Variants in CTNNA3 observed in about 807,000 individuals in gnomAD.
CTNNA3 encodes the protein catenin alpha-3.
CTNNA3 carries 76 observed loss-of-function variants against 95.7 expected under a neutral mutation model. The ratio of observed to expected loss-of-function variants is 0.79; its 90% CI spans 0.66 to 0.96. The LOEUF is 0.96. Ranked by LOEUF, CTNNA3 falls within the 40% of genes least tolerant of loss-of-function variation. The pLI is 0.00. For synonymous variants in CTNNA3, 431 were observed against 374.4 expected, an observed-to-expected ratio of 1.15 and a Z score of -1.74; for missense variants, 1,191 against 1,089.8, an observed-to-expected ratio of 1.09 and a Z score of -1.31.
At chr10:67,693,472 C>T (rs879476774) in intron 1 of CTNNA3, among the ~76,000 whole-genome samples, 3 of 152,094 alleles carry the variant, frequency 2.0e-5, no homozygotes, top group East Asian at 1.9e-4. Flanking sequence ...TTTGGGTTGC[C>T]AACTTCTCTT....
At chr10:67,073,739 T>C (rs989366609) in intron 7 of CTNNA3, among the ~76,000 whole-genome samples, 1 of 151,716 alleles carries the variant, frequency 6.6e-6, no homozygotes, top group Non-Finnish European at 1.5e-5. Context: ...ATAAACAAAA[T>C]AGAGATCAAA....
At chr10:66,182,342 G>A (rs186156020) in intron 13 of CTNNA3, among the ~76,000 whole-genome samples, 7,247 of 149,566 alleles carry the variant, frequency 0.048, 555 homozygotes, top group African/African-American at 0.17. Flanking sequence ...TGCGAGCTCC[G>A]CCTCCCGGGT....
chr10:67,180,541 TA>T, intron 6 of CTNNA3, 21 bp from the exon 7 acceptor site: 1 of 1,577,572 alleles, frequency 6.3e-7, no homozygotes, highest in Non-Finnish European at 8.7e-7. Flanking sequence ...AACACATTTG[TA>T]TGGTTAGAGC....
intron 7 of CTNNA3, among the ~76,000 whole-genome samples, chr10:66,958,708 T>A (rs1342232414): frequency 6.6e-6 from 1 of 152,098 alleles, no homozygotes; most frequent in African/African-American, 2.4e-5. Flanking sequence ...GAGCCAAATT[T>A]GACAAAGGAA....
intron 9 of CTNNA3, among the ~76,000 whole-genome samples, chr10:66,624,427 A>G: frequency 6.6e-6 from 1 of 152,068 alleles, no homozygotes; most frequent in East Asian, 1.9e-4. Flanking sequence ...GAAATTTCAT[A>G]CTCTCAGAGG....
intron 17 of CTNNA3, among the ~76,000 whole-genome samples, chr10:65,961,722 A>T (rs1786912): frequency 0.14 from 21,620 of 151,888 alleles, 1,782 homozygotes; most frequent in South Asian, 0.26. Flanking sequence ...TTGCAGTGAA[A>T]TATAACAGTA....
chr10:66,533,792 C>T (rs1841551950), intron 10 of CTNNA3, among the ~76,000 whole-genome samples: 1 of 152,038 alleles, frequency 6.6e-6, no homozygotes, highest in Admixed American at 6.6e-5. Flanking sequence ...TCTATATGGT[C>T]AGGTATGGAG....
intron 11 of CTNNA3, among the ~76,000 whole-genome samples, chr10:66,382,788 C>A (rs2092852604): frequency 6.6e-6 from 1 of 152,074 alleles, no homozygotes; most frequent in Admixed American, 6.6e-5. Context: ...CTGGTGATAC[C>A]CAGGCAAACA....
chr10:66,233,345 T>C (rs568173149), intron 13 of CTNNA3, among the ~76,000 whole-genome samples: 35 of 152,006 alleles, frequency 2.3e-4, no homozygotes, highest in Non-Finnish European at 2.5e-4. Context: ...CTAGTTTTAT[T>C]AAAATAAAAA....
At chr10:66,693,516 A>T (rs1299762103) in intron 9 of CTNNA3, among the ~76,000 whole-genome samples, 1 of 151,584 alleles carries the variant, frequency 6.6e-6, no homozygotes, top group Admixed American at 6.6e-5. Flanking sequence ...ATAATGAGAG[A>T]CTTTAACACC....
chr10:67,741,911 G>T (rs374051716), intron 1 of CTNNA3, among the ~76,000 whole-genome samples: 2 of 151,220 alleles, frequency 1.3e-5, no homozygotes, highest in Admixed American at 6.6e-5. Flanking sequence ...GACAAAGAAG[G>T]CCATTACATA....
intron 13 of CTNNA3, among the ~76,000 whole-genome samples, chr10:66,278,378 A>G (rs944085097): frequency 5.9e-5 from 9 of 151,788 alleles, no homozygotes; most frequent in African/African-American, 2.2e-4. Flanking sequence ...AGTTTGTTGA[A>G]AATTAAATAA....
chr10:66,350,314 T>A (rs980786813), intron 12 of CTNNA3, among the ~76,000 whole-genome samples: 1 of 152,130 alleles, frequency 6.6e-6, no homozygotes, highest in South Asian at 2.1e-4. Flanking sequence ...AGCTTGCTTT[T>A]TGCTGTCACT....
intron 7 of CTNNA3, among the ~76,000 whole-genome samples, chr10:67,082,415 A>G (rs1276711593): frequency 6.6e-6 from 1 of 152,186 alleles, no homozygotes; most frequent in Non-Finnish European, 1.5e-5. Context: ...AAGGCAGAAA[A>G]TGCCTAATCA....
At chr10:66,921,904 T>C (rs1846808839) in intron 7 of CTNNA3, among the ~76,000 whole-genome samples, 1 of 152,240 alleles carries the variant, frequency 6.6e-6, no homozygotes. Flanking sequence ...ACAATGGTTA[T>C]TCAAATTAAA....
chr10:66,265,054 TC>T (rs1422849617), intron 13 of CTNNA3, among the ~76,000 whole-genome samples: 2 of 152,014 alleles, frequency 1.3e-5, no homozygotes, highest in Non-Finnish European at 2.9e-5. Context: ...TGTCCACTCA[TC>T]CAAATCTACT....
intron 7 of CTNNA3, among the ~76,000 whole-genome samples, chr10:66,932,052 C>G (rs1847431131): frequency 6.6e-6 from 1 of 152,172 alleles, no homozygotes; most frequent in Non-Finnish European, 1.5e-5. Context: ...GGCTTTAGAA[C>G]TCTCCAGTTT....
chr10:67,070,439 G>A (rs1374362543), intron 7 of CTNNA3, among the ~76,000 whole-genome samples: 4 of 151,940 alleles, frequency 2.6e-5, no homozygotes, highest in African/African-American at 9.7e-5. Context: ...TATTTTTTAT[G>A]TTTGTGTCCC....
chr10:66,021,752 T>G (rs2133426632), intron 15 of CTNNA3, among the ~76,000 whole-genome samples: 1 of 151,328 alleles, frequency 6.6e-6, no homozygotes, highest in African/African-American at 2.4e-5. Context: ...AACAAAACAA[T>G]ACTAAACTTA....
Sources: allele counts gnomAD v4.1 joint callset (sites outside exome capture counted in the v4.1 genomes callset), GRCh38; gene constraint gnomAD v4.1.1; transcripts MANE v1.5; gene names NCBI Gene and HGNC (gene_info 2026-07-23, HGNC 2026-07-21).